TMPRSS7: variants seen among roughly 807,000 people sequenced by gnomAD.
TMPRSS7 encodes the protein transmembrane serine protease 7.
A neutral mutation model predicts 95.6 loss-of-function variants in TMPRSS7; 81 were observed. That is an observed-to-expected ratio of 0.85 (90% CI 0.71 to 1.02). The LOEUF is 1.02. Ranked by LOEUF, TMPRSS7 falls within the 50% of genes least tolerant of loss-of-function variation. TMPRSS7 has a pLI of 0.00. For synonymous variants in TMPRSS7, 364 were observed against 337.8 expected (o/e 1.08, Z -0.85); for missense variants, 945 against 955.2 (o/e 0.99, Z 0.14).
chr3:112,042,210 C>G (rs2073217726), intron 3 of TMPRSS7, among the ~76,000 whole-genome samples, 160 bp downstream of exon 3: 1 of 152,034 alleles, frequency 6.6e-6, no homozygotes, highest in South Asian at 2.1e-4. Flanking sequence ...TGAAATCTAG[C>G]ACATCTTGGC....
Position 112,045,658 on chromosome 3 carries a change from G to A in TMPRSS7, c.498-92G>A, listed in dbSNP as rs2073269571. ...GGAGCTAGCTTCAGTTGAAGGATGT[G>A]CTCATTGGCCTTACCTTGAATCCAT... is the stretch of plus-strand genomic sequence containing the variant. On this transcript the variant is annotated intron_variant, in intron 4 of 17. Coordinates refer to ENST00000452346, the Ensembl canonical transcript of TMPRSS7. The A allele has an allele frequency of 8.8e-6, 11 of 1,247,460 alleles. No homozygotes were observed. In the South Asian group the frequency reaches 1.7e-4, roughly 20 times the overall value. 77.3% of individuals were successfully genotyped at this position (1,247,460 alleles called of 1,614,324 possible).
rs148773216 is a variant in TMPRSS7, at chr3:112,042,664, G to A, written c.429+614G>A. On this transcript the variant is annotated intron_variant, in intron 3 of 17. Transcript: ENST00000452346. ...CATGCTATTGCATGCTTCTATGCACGTAAATCTTCCTTTAAAAAATATAAG... is the reference window on the plus strand; with the variant it reads ...CATGCTATTGCATGCTTCTATGCACATAAATCTTCCTTTAAAAAATATAAG... Among the ~76,000 whole-genome samples the A allele has an allele frequency of 1.1e-3, 174 of 152,206 alleles. 2 individuals are homozygous for A. The highest frequency in any genetic ancestry group is 4.0e-3 in the African/African-American group (166 of 41,510).
In TMPRSS7 at chr3:112,075,417, G is replaced by T. The variant is rs752202215; in HGVS notation, c.1880G>T (p.Gly627Val). 1.9e-6 allele frequency: 3 copies of T among 1,553,750 alleles called. No homozygotes were observed. The highest frequency in any genetic ancestry group is 3.8e-5 in the Admixed American group (2 of 52,688). Residue 627 changes from glycine to valine, a missense_variant, in exon 15 of 18, where the codon GGA (glycine) becomes GTA (valine). Physicochemically the swap from Gly to Val is moderately radical, Grantham distance 109. Coordinates refer to ENST00000452346, the Ensembl canonical transcript of TMPRSS7. ...TGGCAGGTCAGCCTCCACTTTGTTG[G>T]ATCTGCCTACTGTGGTGCCTCAGTC...
At chr3:112,040,778 G>A (rs1258536682) in intron 2 of TMPRSS7, among the ~76,000 whole-genome samples, 1 of 152,150 alleles carries the variant, frequency 6.6e-6, no homozygotes, top group Non-Finnish European at 1.5e-5. Flanking sequence ...AGACTGGTAT[G>A]GACCAGTAAG....
At chr3:112,075,332 A>C in exon 15 of TMPRSS7, 1 of 1,414,270 alleles carries the variant, frequency 7.1e-7, no homozygotes, top group Non-Finnish European at 9.3e-7. Flanking sequence ...CTGCAGCAGG[A>C]GTTCCTCCGC....
At chr3:112,066,881 C>G (rs1303539896) in intron 13 of TMPRSS7, among the ~76,000 whole-genome samples, 1 of 151,896 alleles carries the variant, frequency 6.6e-6, no homozygotes, top group African/African-American at 2.4e-5. Flanking sequence ...GCACAACGTG[C>G]AGGTTTGTTA....
At chr3:112,079,378 A>T (rs1022376461) in intron 17 of TMPRSS7, among the ~76,000 whole-genome samples, 1 of 152,190 alleles carries the variant, frequency 6.6e-6, no homozygotes, top group African/African-American at 2.4e-5. Context: ...ATTCCAATCT[A>T]TGCAGTTACC....
chr3:112,081,034 G>A, exon 18 of TMPRSS7: 1 of 1,613,114 alleles, frequency 6.2e-7, no homozygotes, highest in Non-Finnish European at 8.5e-7. Context: ...TTACACAAGG[G>A]TGTCAAACTT....
chr3:112,040,644 C>T (rs887036980), intron 2 of TMPRSS7, among the ~76,000 whole-genome samples: 10 of 152,216 alleles, frequency 6.6e-5, no homozygotes, highest in African/African-American at 2.2e-4. Context: ...CCCCAGCTGA[C>T]ACATTTGCAC....
chr3:112,070,475 A>G lies in TMPRSS7; in HGVS notation c.1667-3821A>G, dbSNP rs1254947479. Reference sequence around the variant, plus strand: ...TGTGTGGGAGTCTAAGTCTCTTTGTAGGTCTCTAAAGACTTGCTTTATGAA... The same window carrying G: ...TGTGTGGGAGTCTAAGTCTCTTTGTGGGTCTCTAAAGACTTGCTTTATGAA... On this transcript the variant is annotated intron_variant, in intron 13 of 17. Transcript: ENST00000452346. Among the ~76,000 whole-genome samples the G allele has an allele frequency of 4.6e-5, 7 of 152,290 alleles. No individual in the cohort carries two copies. In the East Asian group the frequency reaches 1.3e-3, roughly 29 times the overall value.
intron 1 of TMPRSS7, among the ~76,000 whole-genome samples, chr3:112,037,342 T>C (rs1047481925): frequency 5.3e-5 from 8 of 152,208 alleles, no homozygotes; most frequent in Non-Finnish European, 1.2e-4. Context: ...CAGTTGCAGA[T>C]AAGGGATGAA....
At chr3:112,052,456 G>A (rs913529132) in intron 9 of TMPRSS7, among the ~76,000 whole-genome samples, 13 of 151,938 alleles carry the variant, frequency 8.6e-5, no homozygotes, top group Non-Finnish European at 1.6e-4. Context: ...TACCCTGATG[G>A]CATGTGTCCT....
At chr3:112,052,439 G>C (rs1169543813) in intron 9 of TMPRSS7, among the ~76,000 whole-genome samples, 2 of 151,956 alleles carry the variant, frequency 1.3e-5, no homozygotes, top group African/African-American at 4.8e-5. Flanking sequence ...CTGTAAGTTG[G>C]TGTCAATACC....
Position 112,038,177 on chromosome 3 carries a change from C to T in TMPRSS7, c.154C>T (p.Gln52Ter). 1 of 702,650 alleles carries T rather than the reference C, an allele frequency of 1.4e-6. No individual in the cohort carries two copies. Among genetic ancestry groups the T allele is most frequent in the South Asian group, 1.5e-5 (1 of 67,450 alleles). 43.5% of individuals were successfully genotyped at this position (702,650 alleles called of 1,614,324 possible). ...ACCATTGCCAGGAAGACGACCACCACAAAGACCCATTGGCAAAGCCAAACC... is the reference window on the plus strand; with the variant it reads ...ACCATTGCCAGGAAGACGACCACCATAAAGACCCATTGGCAAAGCCAAACC... The change falls in exon 2 of 18, where the codon CAA becomes TAA. Residue 52 changes from glutamine (Q) to a stop codon, truncating the protein, a stop_gained. Coordinates refer to ENST00000452346, the Ensembl canonical transcript of TMPRSS7. LOFTEE classifies it high-confidence loss of function.
intron 10 of TMPRSS7, among the ~76,000 whole-genome samples, chr3:112,059,098 G>T (rs1194683004): frequency 6.6e-6 from 1 of 152,182 alleles, no homozygotes; most frequent in African/African-American, 2.4e-5. Context: ...CCTCTAGACA[G>T]CCTGGGGGTG....
intron 8 of TMPRSS7, 136 bp from the exon 9 acceptor site, chr3:112,050,535 A>AAAAAAAG (rs1553763211): frequency 2.6e-6 from 1 of 384,062 alleles, no homozygotes; most frequent in East Asian, 4.1e-5. Context: ...AAAAAAAAAA[A>AAAAAAAG]AAACCCAAAG....
At chr3:112,045,848 T>C (rs1377319983) in exon 5 of TMPRSS7, 3 of 1,551,822 alleles carry the variant, frequency 1.9e-6, no homozygotes, top group Non-Finnish European at 2.6e-6. Flanking sequence ...GTTGCCGCCA[T>C]CTTGAAGGAC....
intron 11 of TMPRSS7, among the ~76,000 whole-genome samples, chr3:112,062,887 C>T (rs575658433): frequency 1.8e-4 from 27 of 152,020 alleles, no homozygotes; most frequent in African/African-American, 6.5e-4. Flanking sequence ...GATTCAAGAT[C>T]GGGAATGAAT....
At chr3:112,044,307 T>C in exon 4 of TMPRSS7, 2 of 1,551,376 alleles carry the variant, frequency 1.3e-6, no homozygotes, top group East Asian at 2.4e-5. Flanking sequence ...GAGCAGTCTG[T>C]TGTTGCAGAT....
Sources: allele counts gnomAD v4.1 joint callset (sites outside exome capture counted in the v4.1 genomes callset), GRCh38; gene constraint gnomAD v4.1.1; transcripts MANE v1.5; gene names NCBI Gene and HGNC (gene_info 2026-07-23, HGNC 2026-07-21).